DSCAML1: variants seen among roughly 807,000 people sequenced by gnomAD.
The protein encoded by DSCAML1 is DS cell adhesion molecule like 1.
A neutral mutation model predicts 200.5 loss-of-function variants in DSCAML1; 38 were observed. The ratio of observed to expected loss-of-function variants is 0.19; its 90% confidence interval spans 0.15 to 0.25. The LOEUF (loss-of-function observed/expected upper bound fraction) is 0.25, where lower values mean the gene tolerates loss of function less well. DSCAML1 is among the 10% of genes least tolerant of loss of function. The pLI is 1.00. For synonymous variants in DSCAML1, 1,215 were observed against 1,165.0 expected (o/e 1.04, Z -0.87); for missense variants, 2,223 against 2,858.8 (o/e 0.78, Z 5.07).
chr11:117,477,078 G>T (rs1004518005), intron 14 of DSCAML1, among the ~76,000 whole-genome samples: 1 of 152,168 alleles, frequency 6.6e-6, no homozygotes. Flanking sequence ...ATAAGGAGAT[G>T]CCCAAAGATG....
chr11:117,518,868 C>T lies in DSCAML1; in HGVS notation c.1214-106G>A. 1.6e-6 allele frequency: 2 copies of T among 1,285,920 alleles called. No homozygotes were observed. Among genetic ancestry groups the T allele is most frequent in the South Asian group, 3.0e-5 (2 of 65,902 alleles). The allele number at this position is 1,285,920 out of a possible 1,614,324, so 79.7% of individuals were successfully genotyped here. On this transcript the variant is annotated intron_variant, in intron 6 of 32. Coordinates refer to ENST00000651296, the MANE Select transcript of DSCAML1 (RefSeq NM_020693.4). This position sits in a 1 kb window ranked among gnomAD's most constrained non-coding sequence, Gnocchi z 6.3. ...AGGAGGCAAAAAGCAGCCATAAGAG[C>T]AAACAAGAACTTTTGTGTACATCAA...
intron 3 of DSCAML1, among the ~76,000 whole-genome samples, chr11:117,605,916 C>T (rs1310907854): frequency 1.3e-5 from 2 of 152,132 alleles, no homozygotes; most frequent in Non-Finnish European, 2.9e-5. Flanking sequence ...ACCCTAACCC[C>T]CTGGATGGGT....
intron 3 of DSCAML1, among the ~76,000 whole-genome samples, chr11:117,700,081 G>A (rs2053642334): frequency 6.6e-6 from 1 of 152,212 alleles, no homozygotes; most frequent in South Asian, 2.1e-4. Context: ...TCTTTTGGGA[G>A]CTCACAAGTT....
At chr11:117,526,749 C>T in intron 4 of DSCAML1, among the ~76,000 whole-genome samples, 1 of 152,260 alleles carries the variant, frequency 6.6e-6, no homozygotes, top group African/African-American at 2.4e-5. Context: ...AACTCCTGAC[C>T]TTGTGATCCA....
In DSCAML1 at chr11:117,765,640, G is replaced by A. The variant is rs566347547; in HGVS notation, c.511+11151C>T. ...GCCCTAGGAAAAATTGAAAACCTAC[G>A]CATAGAGAAACTGCATGTAGAAAAC... On this transcript the variant is annotated intron_variant, in intron 3 of 32. Coordinates refer to ENST00000651296, the MANE Select transcript of DSCAML1 (RefSeq NM_020693.4). Among the ~76,000 whole-genome samples the A allele has an allele frequency of 1.1e-4, 17 of 152,318 alleles. No homozygotes were observed. The South Asian group carries it at 3.5e-3, about 32-fold the overall frequency.
intron 3 of DSCAML1, among the ~76,000 whole-genome samples, chr11:117,698,940 C>G (rs1430287923): frequency 6.6e-6 from 1 of 152,222 alleles, no homozygotes. Context: ...ATGACACTTA[C>G]GCACAACACC....
intron 3 of DSCAML1, among the ~76,000 whole-genome samples, chr11:117,681,472 C>T (rs1013874918): frequency 2.6e-5 from 4 of 152,252 alleles, no homozygotes; most frequent in Admixed American, 1.3e-4. Context: ...TCCTGTGCAA[C>T]TGGGAAATGC....
intron 22 of DSCAML1, 110 bp downstream of exon 22, chr11:117,439,704 AGGCCT>A: frequency 4.9e-6 from 5 of 1,013,458 alleles, no homozygotes; most frequent in Non-Finnish European, 7.6e-6. Context: ...GGGCCTCTGC[AGGCCT>A]GGAGGCAACC....
At chr11:117,662,729 G>A (rs192384706) in intron 3 of DSCAML1, among the ~76,000 whole-genome samples, 58 of 152,300 alleles carry the variant, frequency 3.8e-4, no homozygotes, top group African/African-American at 1.3e-3. Context: ...CTTTCAAACC[G>A]AAGATGTGGA....
intron 8 of DSCAML1, among the ~76,000 whole-genome samples, chr11:117,513,598 G>A (rs1167341479): frequency 6.6e-6 from 1 of 152,028 alleles, no homozygotes; most frequent in African/African-American, 2.4e-5. Context: ...AAAATTAGCT[G>A]GGCGTGGTGG....
At position 117,430,978 on chromosome 11, in the gene DSCAML1, C is replaced by T. The variant is rs907025900; in HGVS notation, c.5430G>A (p.Glu1810=). ...STESASSTYE[E]LARAYEHAKL... ...TGGCATGCTCATAGGCCCGGGCCAG[C>T]TCCTCGTAGGTGGAAGAGGCACTCT... The change falls in exon 32 of 33, where the codon GAG becomes GAA. Residue 1810 remains glutamate (E), a synonymous_variant. Coordinates refer to ENST00000651296, the MANE Select transcript of DSCAML1 (RefSeq NM_020693.4). 1 of 1,614,166 alleles carries T rather than the reference C, an allele frequency of 6.2e-7. No homozygotes were observed.
intron 3 of DSCAML1, among the ~76,000 whole-genome samples, chr11:117,701,866 C>T (rs908986284): frequency 3.9e-5 from 6 of 152,186 alleles, no homozygotes; most frequent in African/African-American, 1.4e-4. Context: ...GCCTCATAAC[C>T]CCCAGACCTC....
chr11:117,442,459 G>A (rs369055498), intron 21 of DSCAML1, among the ~76,000 whole-genome samples: 5 of 151,596 alleles, frequency 3.3e-5, no homozygotes, highest in Non-Finnish European at 7.4e-5. Flanking sequence ...AAGTGTGTGC[G>A]CGTGCATATG....
At chr11:117,474,480 C>T (rs185851259) in intron 14 of DSCAML1, among the ~76,000 whole-genome samples, 68 of 152,238 alleles carry the variant, frequency 4.5e-4, no homozygotes, top group Admixed American at 2.5e-3. Context: ...TTCATCTCTG[C>T]GCAGATACCT....
At chr11:117,630,282 G>A (rs1359359388) in intron 3 of DSCAML1, among the ~76,000 whole-genome samples, 5 of 152,166 alleles carry the variant, frequency 3.3e-5, no homozygotes, top group Non-Finnish European at 5.9e-5. Context: ...AAGTGAGCCC[G>A]ACTGCACTGC....
intron 24 of DSCAML1, 100 bp downstream of exon 24, chr11:117,438,785 G>A: frequency 5.3e-6 from 6 of 1,125,546 alleles, no homozygotes; most frequent in Non-Finnish European, 7.2e-6. Flanking sequence ...GATCGTTTCT[G>A]TCATTTGGAG....
chr11:117,654,572 G>A (rs2052696318), intron 3 of DSCAML1, among the ~76,000 whole-genome samples: 2 of 152,296 alleles, frequency 1.3e-5, no homozygotes, highest in South Asian at 2.1e-4. Context: ...GGAGCCAGAA[G>A]GTACATGAGC....
upstream of DSCAML1, among the ~76,000 whole-genome samples, chr11:117,800,668 G>T (rs2055648749): frequency 6.6e-6 from 1 of 152,124 alleles, no homozygotes; most frequent in African/African-American, 2.4e-5. Context: ...CAGAATGCTG[G>T]GTGATGATCT....
intron 1 of DSCAML1, among the ~76,000 whole-genome samples, chr11:117,802,535 G>C (rs188955146): frequency 1.3e-5 from 2 of 152,158 alleles, no homozygotes; most frequent in Non-Finnish European, 2.9e-5. Context: ...ACAGCCTCAC[G>C]TGCCATGCCT....
Sources: allele counts gnomAD v4.1 joint callset (sites outside exome capture counted in the v4.1 genomes callset), GRCh38; gene constraint gnomAD v4.1.1; non-coding constraint Gnocchi (gnomAD v3.1); transcripts MANE v1.5; gene names NCBI Gene and HGNC (gene_info 2026-07-23, HGNC 2026-07-21).